Variants in TAFA5 observed in about 807,000 individuals in gnomAD.
TAFA5 encodes the protein chemokine-like protein TAFA-5.
Under a neutral mutation model 15.3 loss-of-function variants are expected in TAFA5, and 6 were observed. The observed-to-expected ratio is 0.39, with a 90% CI of 0.21 to 0.77. The LOEUF (loss-of-function observed/expected upper bound fraction) is 0.77. TAFA5 is among the 30% of genes least tolerant of loss of function. The pLI is 0.41. For missense variants in TAFA5, 161 were observed against 193.1 expected, an observed-to-expected ratio of 0.83 and a Z score of 0.98; for synonymous variants, 103 against 80.7, an observed-to-expected ratio of 1.28 and a Z score of -1.48.
chr22:48,708,282 G>A (rs1283982782), intron 3 of TAFA5, among the ~76,000 whole-genome samples: 4 of 152,188 alleles, frequency 2.6e-5, no homozygotes, highest in Admixed American at 6.5e-5. Context: ...TTCAGGTTCC[G>A]TCCAGGTGTG....
At position 48,742,684 on chromosome 22, in the gene TAFA5, T is replaced by C. The variant is rs1198256495; in HGVS notation, c.391-7155T>C. Among the ~76,000 whole-genome samples the C allele has an allele frequency of 6.6e-6, 1 of 151,702 alleles. No homozygotes were observed. Among genetic ancestry groups the C allele is most frequent in the East Asian group, 1.9e-4 (1 of 5,134 alleles). Reference sequence around the variant, plus strand: ...AGGCAACGTGGTAGACCGGGCAGTGTGATGGACCAGGCGACGTGGTGGGCC... The same window carrying C: ...AGGCAACGTGGTAGACCGGGCAGTGCGATGGACCAGGCGACGTGGTGGGCC... On this transcript the variant is annotated intron_variant, in intron 3 of 3. Transcript: ENST00000402357. This position sits in a 1 kb window ranked among gnomAD's most constrained non-coding sequence, Gnocchi z 6.2.
intron 1 of TAFA5, among the ~76,000 whole-genome samples, chr22:48,604,343 C>T (rs1290156341): frequency 6.6e-6 from 1 of 152,250 alleles, no homozygotes; most frequent in African/African-American, 2.4e-5. Flanking sequence ...TGTCACCACT[C>T]AGACATGTCC....
In TAFA5 at chr22:48,676,353, G is replaced by A. The variant is rs778712991; in HGVS notation, c.262+29607G>A. On this transcript the variant is annotated intron_variant, in intron 2 of 3. Coordinates refer to ENST00000402357, the MANE Select transcript of TAFA5 (RefSeq NM_001082967.3). ...TTTGAGGGAGGGTGGACGTTGTCCC[G>A]GGAGAAAGGGGCCAGCAGACATGCC... 2.0e-4 allele frequency among the ~76,000 whole-genome samples: 31 copies of A among 152,366 alleles called. 1 individual carries two copies. The highest frequency in any genetic ancestry group is 3.7e-4 in the Non-Finnish European group (25 of 68,036).
chr22:48,561,390 C>G (rs551323300), intron 1 of TAFA5, among the ~76,000 whole-genome samples: 1 of 152,286 alleles, frequency 6.6e-6, no homozygotes, highest in African/African-American at 2.4e-5. Flanking sequence ...CAAGGCTGTT[C>G]CAGGGTGTGC....
chr22:48,702,585 A>AC (rs140189575), intron 2 of TAFA5, among the ~76,000 whole-genome samples: 1 of 151,136 alleles, frequency 6.6e-6, no homozygotes, highest in Non-Finnish European at 1.5e-5. Context: ...TGTGCTCAGG[A>AC]CCCCCCAGGT....
chr22:48,548,582 G>C (rs769111813), intron 1 of TAFA5, among the ~76,000 whole-genome samples: 1 of 152,180 alleles, frequency 6.6e-6, no homozygotes, highest in Non-Finnish European at 1.5e-5. Flanking sequence ...GGAGTGGACT[G>C]GGGGAGCTTT....
intron 3 of TAFA5, among the ~76,000 whole-genome samples, chr22:48,721,174 G>A (rs1413447212): frequency 1.3e-5 from 2 of 152,232 alleles, no homozygotes; most frequent in African/African-American, 4.8e-5. Context: ...AATCCTAGGG[G>A]AAGGATAGAG....
intron 2 of TAFA5, among the ~76,000 whole-genome samples, chr22:48,655,268 G>A (rs997241731): frequency 2.6e-5 from 4 of 152,216 alleles, no homozygotes; most frequent in African/African-American, 9.6e-5. Context: ...TCTTCTGCGG[G>A]AAAAGCTTTT....
At chr22:48,519,749 C>T (rs369008079) in intron 1 of TAFA5, among the ~76,000 whole-genome samples, 2 of 152,140 alleles carry the variant, frequency 1.3e-5, no homozygotes, top group East Asian at 3.9e-4. Context: ...CCTTGGGAGT[C>T]TCTCTGCAGG....
intron 1 of TAFA5, among the ~76,000 whole-genome samples, chr22:48,549,407 G>A (rs1044302889): frequency 1.3e-5 from 2 of 152,224 alleles, no homozygotes; most frequent in African/African-American, 2.4e-5. Context: ...GGAGATGGGT[G>A]GCTAGTACTG....
chr22:48,567,146 A>T (rs1923434698), intron 1 of TAFA5, among the ~76,000 whole-genome samples: 1 of 152,206 alleles, frequency 6.6e-6, no homozygotes, highest in African/African-American at 2.4e-5. Flanking sequence ...TTTCCTTAGG[A>T]TAGTTGAACA....
chr22:48,529,582 T>C (rs1311545542), intron 1 of TAFA5, among the ~76,000 whole-genome samples: 1 of 25,718 alleles, frequency 3.9e-5, no homozygotes, highest in Non-Finnish European at 6.8e-5. Flanking sequence ...GAGATGGGGG[T>C]GTCCAGGCAG....
intron 3 of TAFA5, among the ~76,000 whole-genome samples, chr22:48,720,586 G>T (rs1929539333): frequency 6.6e-6 from 1 of 152,182 alleles, no homozygotes; most frequent in Non-Finnish European, 1.5e-5. Flanking sequence ...GGACAGAGGG[G>T]TCCTGGGGAC....
At chr22:48,607,761 T>A (rs1925247108) in intron 1 of TAFA5, among the ~76,000 whole-genome samples, 1 of 148,616 alleles carries the variant, frequency 6.7e-6, no homozygotes. Context: ...CAGAAGGGTC[T>A]GCAGCAGGCA....
At position 48,690,425 on chromosome 22, in the gene TAFA5, G is replaced by A. The variant is rs183712430; in HGVS notation, c.263-17292G>A. 9.2e-4 allele frequency among the ~76,000 whole-genome samples: 140 copies of A among 152,156 alleles called. 1 individual carries two copies. Among genetic ancestry groups the A allele is most frequent in the African/African-American group, 3.2e-3 (131 of 41,512 alleles). On this transcript the variant is annotated intron_variant, in intron 2 of 3. Coordinates refer to ENST00000402357, the MANE Select transcript of TAFA5 (RefSeq NM_001082967.3). ...GCCACACAGCCGTACCAGGGCCTGT[G>A]TGCCCAGTGTGCAGCCTCCACCCTA... is the stretch of plus-strand genomic sequence containing the variant.
In TAFA5 at chr22:48,550,963, T is replaced by C. The variant is rs73888928; in HGVS notation, c.112+61259T>C. ...TGTGGTGTCCCCTCCCCACCAGGGC[T>C]GCTCTGAGGGCCCTGGTCCTGATTT... is the stretch of plus-strand genomic sequence containing the variant. On this transcript the variant is annotated intron_variant, in intron 1 of 3. Transcript: ENST00000402357. This position sits in a 1 kb window ranked among gnomAD's most constrained non-coding sequence, Gnocchi z 4.1. 0.13 allele frequency among the ~76,000 whole-genome samples: 19,159 copies of C among 151,774 alleles called. 1,326 individuals are homozygous for C. The highest frequency in any genetic ancestry group is 0.17 in the African/African-American group (6,903 of 41,402).
intron 1 of TAFA5, among the ~76,000 whole-genome samples, chr22:48,508,774 G>C (rs1416564612): frequency 6.6e-6 from 1 of 152,180 alleles, no homozygotes; most frequent in Non-Finnish European, 1.5e-5. Context: ...AATCAGAGTA[G>C]TCTGCACACC....
intron 3 of TAFA5, among the ~76,000 whole-genome samples, chr22:48,712,116 G>T (rs1929273056): frequency 6.6e-6 from 1 of 152,218 alleles, no homozygotes; most frequent in South Asian, 2.1e-4. Context: ...GAGTGCAAGG[G>T]CACAATCTTG....
At chr22:48,642,788 G>A (rs564609950) in intron 1 of TAFA5, among the ~76,000 whole-genome samples, 7 of 152,156 alleles carry the variant, frequency 4.6e-5, no homozygotes, top group Admixed American at 2.6e-4. Flanking sequence ...TTCACATGTG[G>A]GGGGTGTGTT....
Sources: allele counts gnomAD v4.1 joint callset (sites outside exome capture counted in the v4.1 genomes callset), GRCh38; gene constraint gnomAD v4.1.1; non-coding constraint Gnocchi (gnomAD v3.1); transcripts MANE v1.5; gene names NCBI Gene and HGNC (gene_info 2026-07-23, HGNC 2026-07-21).